The following PHLPP1 variants were observed in gnomAD, a reference collection of about 807,000 sequenced individuals.
PHLPP1 encodes the protein PH domain and leucine rich repeat protein phosphatase 1.
Under a neutral mutation model 117.2 loss-of-function variants are expected in PHLPP1, and 42 were observed. The ratio of observed to expected loss-of-function variants is 0.36; its 90% confidence interval spans 0.28 to 0.46. The LOEUF (loss-of-function observed/expected upper bound fraction) is 0.46. Ranked by LOEUF, PHLPP1 falls within the 20% of genes least tolerant of loss-of-function variation. The pLI is 1.00. For synonymous variants in PHLPP1, 1,042 were observed against 970.7 expected (o/e 1.07, Z -1.37); for missense variants, 2,084 against 2,241.9 (o/e 0.93, Z 1.42).
At chr18:62,951,127 G>A (rs1028516792) in intron 12 of PHLPP1, among the ~76,000 whole-genome samples, 1 of 152,014 alleles carries the variant, frequency 6.6e-6, no homozygotes, top group Non-Finnish European at 1.5e-5. Flanking sequence ...GACTACAGGT[G>A]CCCGCCACCA....
chr18:62,951,713 T>C (rs1001948924), intron 12 of PHLPP1, among the ~76,000 whole-genome samples: 1 of 152,086 alleles, frequency 6.6e-6, no homozygotes, highest in African/African-American at 2.4e-5. Flanking sequence ...GCTCTTTCCC[T>C]TCTCAATCTG....
At chr18:62,780,087 G>A (rs887884981) in intron 1 of PHLPP1, among the ~76,000 whole-genome samples, 1 of 152,102 alleles carries the variant, frequency 6.6e-6, no homozygotes, top group Admixed American at 6.5e-5. Flanking sequence ...CAGTCATTTT[G>A]CGCTTGTGGG....
chr18:62,793,486 G>A (rs143607879), intron 1 of PHLPP1, among the ~76,000 whole-genome samples: 372 of 152,250 alleles, frequency 2.4e-3, no homozygotes, highest in African/African-American at 8.4e-3. Context: ...CCTGACACTG[G>A]TCCTTGTCCA....
intron 4 of PHLPP1, among the ~76,000 whole-genome samples, chr18:62,888,298 TG>T (rs1916330665): frequency 7.1e-6 from 1 of 139,866 alleles, no homozygotes; most frequent in East Asian, 2.1e-4. Flanking sequence ...TGTGTGTGTG[TG>T]TGTGTGTGTG....
intron 1 of PHLPP1, among the ~76,000 whole-genome samples, chr18:62,808,289 T>G (rs1914009183): frequency 6.6e-6 from 1 of 152,010 alleles, no homozygotes; most frequent in South Asian, 2.1e-4. Context: ...TGGATTCAAG[T>G]GAAGAAGACT....
chr18:62,893,527 C>A (rs991248474), intron 4 of PHLPP1, among the ~76,000 whole-genome samples: 1 of 152,188 alleles, frequency 6.6e-6, no homozygotes, highest in African/African-American at 2.4e-5. Flanking sequence ...TAACACTCAA[C>A]CTGTCAAATA....
At chr18:62,774,852 T>TA (rs569393105) in intron 1 of PHLPP1, among the ~76,000 whole-genome samples, 2,654 of 139,782 alleles carry the variant, frequency 0.019, 33 homozygotes, top group African/African-American at 0.031. Flanking sequence ...AAAATACCTC[T>TA]AAAAAAAAAA....
chr18:62,900,842 T>A (rs1916705715), intron 6 of PHLPP1, among the ~76,000 whole-genome samples: 1 of 152,196 alleles, frequency 6.6e-6, no homozygotes, highest in Non-Finnish European at 1.5e-5. Flanking sequence ...TGTGAGATAG[T>A]GCATGTGAAC....
At position 62,777,390 on chromosome 18, in the gene PHLPP1, A is replaced by T. The variant is rs72945534; in HGVS notation, c.1577-52645A>T. Among the ~76,000 whole-genome samples the T allele has an allele frequency of 8.0e-3, 1,219 of 151,970 alleles. 9 individuals are homozygous for T. The highest frequency in any genetic ancestry group is 0.013 in the Non-Finnish European group (851 of 67,948). ...TGCCCATTTTTCTTATTGGGTTGTT[A>T]TTGAGTTGTGAAAGTTCTTTTTATA... On this transcript the variant is annotated intron_variant, in intron 1 of 16. Transcript: ENST00000262719.
At chr18:62,753,687 T>G (rs1477016768) in intron 1 of PHLPP1, among the ~76,000 whole-genome samples, 9 of 152,332 alleles carry the variant, frequency 5.9e-5, no homozygotes, top group Middle Eastern at 3.4e-3. Context: ...TAGGATGGGC[T>G]TCACCCTTCC....
chr18:62,902,326 G>T (rs1410685950), intron 6 of PHLPP1, among the ~76,000 whole-genome samples: 1 of 152,184 alleles, frequency 6.6e-6, no homozygotes, highest in African/African-American at 2.4e-5. Flanking sequence ...CTATCAAGCA[G>T]TATTTTATAG....
chr18:62,874,655 GCGCACA>G (rs1389064087), intron 4 of PHLPP1, among the ~76,000 whole-genome samples: 17 of 59,114 alleles, frequency 2.9e-4, no homozygotes, highest in East Asian at 1.6e-3. Flanking sequence ...GCACGCACGC[GCGCACA>G]CACACACACA....
At chr18:62,781,686 T>C (rs1913123907) in intron 1 of PHLPP1, among the ~76,000 whole-genome samples, 1 of 152,216 alleles carries the variant, frequency 6.6e-6, no homozygotes, top group Non-Finnish European at 1.5e-5. Context: ...AAATTAATTA[T>C]GTTAAATATG....
chr18:62,742,459 A>G (rs1446979078), intron 1 of PHLPP1, among the ~76,000 whole-genome samples: 2 of 151,216 alleles, frequency 1.3e-5, no homozygotes, highest in East Asian at 1.9e-4. Flanking sequence ...TTTGAGATGG[A>G]GTCTTGCTCT....
intron 2 of PHLPP1, among the ~76,000 whole-genome samples, chr18:62,835,012 T>G (rs1303447883): frequency 2.0e-5 from 3 of 152,312 alleles, no homozygotes; most frequent in East Asian, 1.9e-4. Context: ...TGAGTATTGA[T>G]TTATCGTCTT....
intron 3 of PHLPP1, among the ~76,000 whole-genome samples, chr18:62,840,878 C>A (rs1915031394): frequency 6.6e-6 from 1 of 152,088 alleles, no homozygotes; most frequent in South Asian, 2.1e-4. Flanking sequence ...TCTGAACTAA[C>A]CTGTGGAATT....
intron 11 of PHLPP1, among the ~76,000 whole-genome samples, chr18:62,944,717 A>G (rs1447723223): frequency 6.6e-6 from 1 of 152,220 alleles, no homozygotes; most frequent in Non-Finnish European, 1.5e-5. Context: ...CACTACAAAG[A>G]AATCATACTC....
intron 1 of PHLPP1, among the ~76,000 whole-genome samples, chr18:62,810,123 C>A (rs1442793879): frequency 6.6e-6 from 1 of 152,212 alleles, no homozygotes; most frequent in Non-Finnish European, 1.5e-5. Flanking sequence ...TCTACTCATA[C>A]ACTGATGATT....
At chr18:62,730,100 T>C (rs1048322189) in intron 1 of PHLPP1, among the ~76,000 whole-genome samples, 1 of 152,214 alleles carries the variant, frequency 6.6e-6, no homozygotes, top group African/African-American at 2.4e-5. Flanking sequence ...ATGTCAGAGT[T>C]AACTTGTAAG....
Sources: gnomAD v4.1 joint callset for allele counts (sites outside exome capture counted in the v4.1 genomes callset) on GRCh38, gnomAD v4.1.1 for gene constraint, MANE v1.5 for transcripts, NCBI Gene and HGNC (gene_info 2026-07-23, HGNC 2026-07-21) for gene names.